The following PPIH variants were observed in gnomAD, a reference collection of about 807,000 sequenced individuals.
PPIH encodes the protein peptidylprolyl isomerase H, also known as peptidyl-prolyl cis-trans isomerase H.
PPIH carries 16 observed loss-of-function variants against 27.6 expected under a neutral mutation model. That is an observed-to-expected ratio of 0.58 (90% CI 0.39 to 0.88). PPIH has a LOEUF of 0.88. PPIH is among the 40% of genes least tolerant of loss of function. PPIH has a pLI of 0.00. For missense variants in PPIH, 155 were observed against 224.1 expected (o/e 0.69, Z 1.97); for synonymous variants, 63 against 76.1 (o/e 0.83, Z 0.90).
intron 2 of PPIH, 105 bp from the exon 3 acceptor site, chr1:42,659,123 G>T: frequency 6.5e-7 from 1 of 1,544,458 alleles, no homozygotes; most frequent in South Asian, 1.2e-5. Flanking sequence ...CTGGCTGGCC[G>T]ATTGGTGGAC....
In PPIH at chr1:42,676,029, A is replaced by G. The variant is rs145492923; in HGVS notation, c.*22-555A>G. On this transcript the variant is annotated intron_variant, in intron 9 of 9. Coordinates refer to ENST00000304979, the MANE Select transcript of PPIH (RefSeq NM_006347.4). ...GTGAAGGGCAAATAAATGAGATAGT[A>G]TGCTTGACCATAAATGTTAGTTGCT... Among the ~76,000 whole-genome samples, 79 of 152,340 alleles carry G rather than the reference A, an allele frequency of 5.2e-4. 1 individual carries two copies. The highest frequency in any genetic ancestry group is 1.8e-3 in the African/African-American group (76 of 41,578).
intron 9 of PPIH, among the ~76,000 whole-genome samples, chr1:42,670,242 C>A (rs1347966871): frequency 1.3e-5 from 2 of 152,116 alleles, no homozygotes; most frequent in African/African-American, 4.8e-5. Flanking sequence ...AATACTGGGT[C>A]CCCCTTGGGC....
At chr1:42,661,268 G>A (rs538058936) in intron 5 of PPIH, among the ~76,000 whole-genome samples, 75 of 152,230 alleles carry the variant, frequency 4.9e-4, no homozygotes, top group Non-Finnish European at 7.4e-5. Flanking sequence ...TTTCTGAATG[G>A]AGGTAAGTCT....
intron 9 of PPIH, among the ~76,000 whole-genome samples, chr1:42,668,167 G>A (rs1289681037): frequency 6.6e-6 from 1 of 152,060 alleles, no homozygotes; most frequent in Non-Finnish European, 1.5e-5. Flanking sequence ...GGGTAGTGAT[G>A]TTTTGTTTTT....
chr1:42,660,294 T>G (rs908786286), intron 4 of PPIH, among the ~76,000 whole-genome samples: 2 of 152,252 alleles, frequency 1.3e-5, no homozygotes, highest in Non-Finnish European at 2.9e-5. Flanking sequence ...CCCCTTCTTC[T>G]TATTACTGTT....
rs1368246927 is a variant in PPIH, at chr1:42,660,859, C to T, written c.201-3C>T. The T allele has an allele frequency of 3.1e-6, 5 of 1,604,056 alleles. No homozygotes were observed. Among genetic ancestry groups the T allele is most frequent in the Admixed American group, 3.4e-5 (2 of 58,498 alleles). ...TCTCAGTATTCTTTGCTCTCTGTTT[C>T]AGGGTCATAAAGGATTTCATGATTC... On this transcript the variant is annotated splice_polypyrimidine_tract_variant and splice_region_variant and intron_variant, in intron 4 of 9. Coordinates refer to ENST00000304979, the MANE Select transcript of PPIH (RefSeq NM_006347.4).
At chr1:42,677,310 C>T (rs1243832119), downstream of PPIH, among the ~76,000 whole-genome samples, 2 of 125,472 alleles carry the variant, frequency 1.6e-5, no homozygotes, top group African/African-American at 3.1e-5. Context: ...CCCATCCCTA[C>T]TAAAAATAAA....
intron 5 of PPIH, among the ~76,000 whole-genome samples, chr1:42,661,253 G>A (rs1216708839): frequency 6.6e-6 from 1 of 152,020 alleles, no homozygotes; most frequent in African/African-American, 2.4e-5. Flanking sequence ...TGTGGTTTTT[G>A]TTTTTTTCTG....
At chr1:42,679,760 A>G (rs376917470), downstream of PPIH, among the ~76,000 whole-genome samples, 3 of 152,248 alleles carry the variant, frequency 2.0e-5, no homozygotes, top group African/African-American at 7.2e-5. Flanking sequence ...AAATGTCCTC[A>G]GTGTTGGCAG....
chr1:42,659,031 T>C, intron 2 of PPIH, 123 bp downstream of exon 2: 1 of 1,292,262 alleles, frequency 7.7e-7, no homozygotes, highest in Non-Finnish European at 1.1e-6. Flanking sequence ...GATTCCTCCA[T>C]GCATTGCTCT....
At chr1:42,671,944 C>T (rs911529795) in intron 9 of PPIH, among the ~76,000 whole-genome samples, 29 of 149,974 alleles carry the variant, frequency 1.9e-4, no homozygotes, top group Admixed American at 1.9e-3. Context: ...AGTGCAGTGG[C>T]GCGATCTCGG....
intron 5 of PPIH, among the ~76,000 whole-genome samples, chr1:42,663,453 G>A (rs1163395573): frequency 6.6e-6 from 1 of 151,992 alleles, no homozygotes; most frequent in African/African-American, 2.4e-5. Flanking sequence ...CTGGGGTGCA[G>A]TGGTGCGATC....
At chr1:42,661,009 C>T (rs982139873) in intron 5 of PPIH, 105 bp downstream of exon 5, 1 of 1,074,270 alleles carries the variant, frequency 9.3e-7, no homozygotes, top group East Asian at 2.4e-5. Flanking sequence ...GGCTTGAGAA[C>T]AATAGCCAGG....
In PPIH at chr1:42,658,842, A is replaced by G. The variant is rs754054124; in HGVS notation, c.67-2A>G. 1 of 1,614,048 alleles carries G rather than the reference A, an allele frequency of 6.2e-7. No individual in the cohort carries two copies. Among genetic ancestry groups the G allele is most frequent in the Non-Finnish European group, 8.5e-7 (1 of 1,179,992 alleles). ...CTTCTGACACTCTCCCGCTGATTGC[A>G]GGAAGTTGGCCGCATGAAGATCGAG... On this transcript the variant is annotated splice_acceptor_variant, in intron 1 of 9. Coordinates refer to ENST00000304979, the MANE Select transcript of PPIH (RefSeq NM_006347.4). LOFTEE classifies it high-confidence loss of function.
chr1:42,670,070 T>A (rs1649545699), intron 9 of PPIH, among the ~76,000 whole-genome samples: 1 of 152,198 alleles, frequency 6.6e-6, no homozygotes, highest in South Asian at 2.1e-4. Flanking sequence ...ATGAGTTAAG[T>A]AGAGAGGGAG....
intron 9 of PPIH, among the ~76,000 whole-genome samples, chr1:42,669,121 G>A (rs1266485801): frequency 6.7e-6 from 1 of 150,162 alleles, no homozygotes; most frequent in Admixed American, 6.7e-5. Flanking sequence ...GAGGTGGGAG[G>A]ATTACTTGAG....
chr1:42,675,813 GGAA>G (rs1649852252), intron 9 of PPIH, among the ~76,000 whole-genome samples: 1 of 152,144 alleles, frequency 6.6e-6, no homozygotes, highest in Admixed American at 6.5e-5. Context: ...AAACCTGCAA[GGAA>G]GAAGGATTGC....
In PPIH at chr1:42,659,521, G is replaced by A; in HGVS notation, c.156-1G>A. On this transcript the variant is annotated splice_acceptor_variant, in intron 3 of 9. Transcript: ENST00000304979. LOFTEE classifies it high-confidence loss of function. ...CCAAGTCTCTTTCTTTTCGGTTATA[G>A]GAAAGATGGGGTTCCAATAGGATAC... 6.2e-7 allele frequency: 1 copy of A among 1,614,142 alleles called. No individual in the cohort carries two copies. The highest frequency in any genetic ancestry group is 1.1e-5 in the South Asian group (1 of 91,086).
chr1:42,669,309 T>C (rs1030980436), intron 9 of PPIH, among the ~76,000 whole-genome samples: 8 of 152,190 alleles, frequency 5.3e-5, no homozygotes, highest in Admixed American at 2.0e-4. Context: ...AACATGACAT[T>C]AGAAGTGGAA....
Sources: allele counts gnomAD v4.1 joint callset (sites outside exome capture counted in the v4.1 genomes callset), GRCh38; gene constraint gnomAD v4.1.1; transcripts MANE v1.5; gene names NCBI Gene and HGNC (gene_info 2026-07-23, HGNC 2026-07-21).